LRRC7: variants seen among roughly 807,000 people sequenced by gnomAD.
LRRC7 encodes the protein leucine rich repeat containing 7.
Under a neutral mutation model 175.7 loss-of-function variants are expected in LRRC7, and 23 were observed. The observed-to-expected ratio is 0.13, with a 90% CI of 0.09 to 0.19. LRRC7 has a LOEUF of 0.19. LRRC7 is among the 10% of genes least tolerant of loss of function. The probability of loss-of-function intolerance (pLI) is 1.00; values close to 1 mark genes in which losing one functional copy is unlikely to be tolerated. For missense variants in LRRC7, 1,354 were observed against 1,904.7 expected (o/e 0.71, Z 5.38); for synonymous variants, 685 against 680.9 (o/e 1.01, Z -0.09).
chr1:69,753,163 C>T (rs1381154365), intron 2 of LRRC7, among the ~76,000 whole-genome samples: 1 of 152,056 alleles, frequency 6.6e-6, no homozygotes, highest in African/African-American at 2.4e-5. Flanking sequence ...CTCCATTCCA[C>T]CATATTGTAT....
chr1:70,067,408 G>T (rs370719095), intron 23 of LRRC7, among the ~76,000 whole-genome samples: 2 of 151,998 alleles, frequency 1.3e-5, no homozygotes, highest in African/African-American at 4.8e-5. Flanking sequence ...AATTGCATTT[G>T]CATCTTTGTC....
At chr1:69,959,771 A>C (rs1267227567) in intron 8 of LRRC7, among the ~76,000 whole-genome samples, 1 of 152,050 alleles carries the variant, frequency 6.6e-6, no homozygotes, top group African/African-American at 2.4e-5. Flanking sequence ...ATCAGGGATC[A>C]GGTGAACGGT....
At chr1:70,023,519 T>A in intron 17 of LRRC7, 145 bp downstream of exon 17, 1 of 899,066 alleles carries the variant, frequency 1.1e-6, no homozygotes, top group Non-Finnish European at 1.5e-6. Context: ...TATCTCAATT[T>A]AACATTTTGT....
intron 8 of LRRC7, among the ~76,000 whole-genome samples, chr1:69,947,085 G>T (rs1342345549): frequency 3.3e-5 from 5 of 151,606 alleles, no homozygotes; most frequent in South Asian, 2.1e-4. Flanking sequence ...TTCACCCTGA[G>T]CAACAGAGTG....
chr1:69,621,402 A>C (rs191114818), intron 1 of LRRC7, among the ~76,000 whole-genome samples: 1 of 152,086 alleles, frequency 6.6e-6, no homozygotes, highest in Non-Finnish European at 1.5e-5. Flanking sequence ...TGACCATTTG[A>C]TCTTCTGTCA....
In LRRC7 at chr1:69,717,834, GA is replaced by G. The variant is rs1370578880; in HGVS notation, c.100+39359del. On this transcript the variant is annotated intron_variant, in intron 2 of 26. Transcript: ENST00000651989. Reference sequence around the variant, plus strand: ...AGAAAGAAAGAAAGAAAGAAAGAAAGAAAGAAAAAAGAAAGAAAGGAAAGAA... The same window carrying G: ...AGAAAGAAAGAAAGAAAGAAAGAAAGAAGAAAAAAGAAAGAAAGGAAAGAA... 1.2e-3 allele frequency among the ~76,000 whole-genome samples: 36 copies of G among 30,242 alleles called. 7 individuals are homozygous for G. Among genetic ancestry groups the G allele is most frequent in the East Asian group, 4.3e-3 (5 of 1,154 alleles). The allele number at this position is 30,242 out of a possible 152,430, so 19.8% of individuals were successfully genotyped here.
intron 11 of LRRC7, among the ~76,000 whole-genome samples, chr1:70,003,137 T>A (rs541021157): frequency 6.6e-6 from 1 of 152,270 alleles, no homozygotes; most frequent in African/African-American, 2.4e-5. Context: ...GCTGTGAGTT[T>A]ACATGACCTC....
At chr1:69,616,107 G>A (rs1404428842) in intron 1 of LRRC7, among the ~76,000 whole-genome samples, 1 of 152,012 alleles carries the variant, frequency 6.6e-6, no homozygotes, top group Non-Finnish European at 1.5e-5. Flanking sequence ...TTAGCATTGT[G>A]AAGTATACAA....
intron 8 of LRRC7, among the ~76,000 whole-genome samples, chr1:69,963,305 CAA>C (rs112678826): frequency 6.6e-5 from 7 of 106,182 alleles, no homozygotes; most frequent in Non-Finnish European, 6.2e-5. Context: ...GACACCGTCT[CAA>C]AAAAAAAAAA....
intron 22 of LRRC7, among the ~76,000 whole-genome samples, chr1:70,047,923 T>G (rs946711171): frequency 2.6e-5 from 4 of 152,012 alleles, no homozygotes; most frequent in African/African-American, 7.2e-5. Context: ...TTAGAACATA[T>G]AAATCTTTTA....
intron 11 of LRRC7, among the ~76,000 whole-genome samples, chr1:70,007,305 G>T (rs143427262): frequency 2.1e-3 from 322 of 152,222 alleles, no homozygotes; most frequent in Non-Finnish European, 3.3e-3. Context: ...CTGGATGAAG[G>T]TCAAATATGT....
intron 1 of LRRC7, among the ~76,000 whole-genome samples, chr1:69,644,251 T>G (rs927971063): frequency 6.6e-6 from 1 of 152,038 alleles, no homozygotes; most frequent in Non-Finnish European, 1.5e-5. Context: ...AAGAGAGAGA[T>G]ATTGTGTTTT....
intron 1 of LRRC7, among the ~76,000 whole-genome samples, chr1:69,604,870 A>G (rs987158945): frequency 3.9e-5 from 6 of 152,210 alleles, no homozygotes; most frequent in Non-Finnish European, 5.9e-5. Context: ...TAATGACATT[A>G]CACAAATAAA....
chr1:69,724,342 A>G (rs906662497), intron 2 of LRRC7, among the ~76,000 whole-genome samples: 58 of 152,272 alleles, frequency 3.8e-4, no homozygotes, highest in Middle Eastern at 3.4e-3. Context: ...ACTCCATCTC[A>G]AAAAACACAT....
chr1:69,893,564 T>C (rs1645896801), intron 7 of LRRC7, among the ~76,000 whole-genome samples: 1 of 152,210 alleles, frequency 6.6e-6, no homozygotes, highest in East Asian at 1.9e-4. Flanking sequence ...TTATTATAAG[T>C]AGAAACTTTG....
chr1:69,779,828 G>A (rs1268261110), intron 3 of LRRC7, among the ~76,000 whole-genome samples: 1 of 152,216 alleles, frequency 6.6e-6, no homozygotes, highest in Non-Finnish European at 1.5e-5. Flanking sequence ...GACTATAATT[G>A]TTCCCTTTTC....
chr1:69,875,781 T>C (rs944564998), intron 7 of LRRC7, among the ~76,000 whole-genome samples: 1 of 152,194 alleles, frequency 6.6e-6, no homozygotes, highest in South Asian at 2.1e-4. Flanking sequence ...GAAATAATTG[T>C]ATTGAACTGT....
chr1:70,003,874 A>G (rs764009918), intron 11 of LRRC7, among the ~76,000 whole-genome samples: 11 of 152,158 alleles, frequency 7.2e-5, no homozygotes, highest in Non-Finnish European at 1.5e-4. Context: ...TTGCTAATGA[A>G]TGAAGCTATT....
intron 2 of LRRC7, among the ~76,000 whole-genome samples, chr1:69,717,834 GAAA>G (rs1557641253): frequency 0.023 from 702 of 30,150 alleles, 68 homozygotes; most frequent in Non-Finnish European, 0.025. Context: ...AAGAAAGAAA[GAAA>G]GAAAAAAGAA....
Sources: allele counts gnomAD v4.1 joint callset (sites outside exome capture counted in the v4.1 genomes callset), GRCh38; gene constraint gnomAD v4.1.1; transcripts MANE v1.5; gene names NCBI Gene and HGNC (gene_info 2026-07-23, HGNC 2026-07-21).